Variants in CFAP69 observed in about 807,000 individuals in gnomAD.
CFAP69 encodes cilia and flagella associated protein 69, also known as cilia- and flagella-associated protein 69.
In CFAP69, 92 loss-of-function variants were observed where a neutral mutation model predicts 123.0. The ratio of observed to expected loss-of-function variants is 0.75; its 90% CI spans 0.63 to 0.89. The LOEUF is 0.89. Ranked by LOEUF, CFAP69 falls within the 40% of genes least tolerant of loss-of-function variation. The pLI is 0.00. For synonymous variants in CFAP69, 380 were observed against 364.3 expected (o/e 1.04, Z -0.49); for missense variants, 1,067 against 1,096.9 (o/e 0.97, Z 0.39).
intron 6 of CFAP69, among the ~76,000 whole-genome samples, chr7:90,269,649 C>T (rs1294564166): frequency 1.3e-5 from 2 of 152,038 alleles, no homozygotes; most frequent in Non-Finnish European, 2.9e-5. Context: ...GTGGTCAGGG[C>T]AGATGCAGGA....
At chr7:90,298,500 T>C (rs1792323035) in intron 16 of CFAP69, among the ~76,000 whole-genome samples, 1 of 152,228 alleles carries the variant, frequency 6.6e-6, no homozygotes, top group Non-Finnish European at 1.5e-5. Flanking sequence ...CCGCTCCCTG[T>C]CCGTGATTCT....
chr7:90,306,277 A>G (rs1418076531), intron 19 of CFAP69, among the ~76,000 whole-genome samples: 1 of 152,128 alleles, frequency 6.6e-6, no homozygotes, highest in Non-Finnish European at 1.5e-5. Context: ...GGTCCAGCAC[A>G]CTTCTGCTGC....
intron 15 of CFAP69, among the ~76,000 whole-genome samples, chr7:90,293,484 G>A (rs1293683521): frequency 6.6e-6 from 1 of 152,002 alleles, no homozygotes; most frequent in Non-Finnish European, 1.5e-5. Flanking sequence ...GCCACACACA[G>A]AATTTCTTTT....
At chr7:90,286,520 AG>A in intron 14 of CFAP69, 121 bp downstream of exon 14, 5 of 1,005,944 alleles carry the variant, frequency 5.0e-6, no homozygotes, top group African/African-American at 3.3e-5. Context: ...GTTAATAATT[AG>A]AGCATAATTA....
At chr7:90,289,906 C>T (rs779677585) in intron 15 of CFAP69, among the ~76,000 whole-genome samples, 13 of 152,136 alleles carry the variant, frequency 8.5e-5, no homozygotes, top group Non-Finnish European at 1.9e-4. Flanking sequence ...CTTCTTTGTA[C>T]AAATCAAATG....
chr7:90,280,161 A>G (rs1789255135), intron 12 of CFAP69, among the ~76,000 whole-genome samples: 1 of 152,126 alleles, frequency 6.6e-6, no homozygotes, highest in Non-Finnish European at 1.5e-5. Flanking sequence ...TCTAAAAATT[A>G]TATTTGGGAA....
chr7:90,283,367 G>C (rs1789770399), intron 13 of CFAP69, among the ~76,000 whole-genome samples: 1 of 151,954 alleles, frequency 6.6e-6, no homozygotes, highest in African/African-American at 2.4e-5. Flanking sequence ...TTTTGACCAA[G>C]GCTTTTGGAG....
intron 9 of CFAP69, 144 bp downstream of exon 9, chr7:90,274,254 T>A: frequency 2.1e-6 from 2 of 970,264 alleles, no homozygotes; most frequent in Non-Finnish European, 2.9e-6. Context: ...CCAGTGTGCT[T>A]ATCACTCTGC....
At chr7:90,296,085 C>T (rs1462920180) in intron 15 of CFAP69, among the ~76,000 whole-genome samples, 1 of 152,126 alleles carries the variant, frequency 6.6e-6, no homozygotes, top group African/African-American at 2.4e-5. Flanking sequence ...GGAAATGCAG[C>T]CCAGTAGGTC....
chr7:90,304,916 A>T, intron 19 of CFAP69, 96 bp downstream of exon 19: 1 of 897,780 alleles, frequency 1.1e-6, no homozygotes, highest in Non-Finnish European at 1.7e-6. Context: ...GCAATCATCT[A>T]CATACTGTAT....
intron 8 of CFAP69, chr7:90,272,254 A>G (rs1482836659): frequency 4.4e-6 from 1 of 227,988 alleles, no homozygotes. Context: ...CAGTGAATCT[A>G]TTATTGAGTG....
intron 11 of CFAP69, 40 bp from the exon 12 acceptor site, chr7:90,279,637 G>T (rs1312380862): frequency 7.9e-7 from 1 of 1,271,646 alleles, no homozygotes; most frequent in Non-Finnish European, 1.1e-6. Context: ...AGTATTTTTG[G>T]CTATGTTTCT....
chr7:90,287,409 G>C (rs763963925), intron 14 of CFAP69: 8 of 738,702 alleles, frequency 1.1e-5, no homozygotes, highest in Non-Finnish European at 1.3e-5. Flanking sequence ...AGAGTGGGCT[G>C]TACCATTTTA....
the CFAP69 span, chr7:90,317,525 G>A: frequency 7.1e-6 from 1 of 141,252 alleles, no homozygotes; most frequent in South Asian, 2.3e-4. Context: ...TATATTATCT[G>A]CTACTCATGC....
intron 14 of CFAP69, 87 bp from the exon 15 acceptor site, chr7:90,288,147 A>T: frequency 2.0e-6 from 2 of 1,011,250 alleles, no homozygotes; most frequent in Non-Finnish European, 2.9e-6. Context: ...TCTGGTAAAA[A>T]AGCAATATTA....
intron 15 of CFAP69, among the ~76,000 whole-genome samples, chr7:90,289,425 A>T (rs962913086): frequency 2.6e-5 from 4 of 151,758 alleles, no homozygotes; most frequent in Admixed American, 6.6e-5. Flanking sequence ...TGCCATTTAA[A>T]TAGCCTTTTT....
Position 90,307,010 on chromosome 7 carries a change from T to C in CFAP69, c.2375T>C (p.Ile792Thr), listed in dbSNP as rs1467829849. The C allele has an allele frequency of 1.2e-6, 2 of 1,613,300 alleles. No homozygotes were observed. Among genetic ancestry groups the C allele is most frequent in the South Asian group, 1.1e-5 (1 of 90,980 alleles). ...LEAITTASEN[I>T]GKMVASLQSD... ...GCTATTACAACAGCATCAGAAAATA[T>C]TGGAAAGATGGTTGCTTCTCTGCAA... is the stretch of plus-strand genomic sequence containing the variant. The change falls in exon 20 of 23, where the codon ATT (isoleucine) becomes ACT (threonine). Residue 792 changes from isoleucine (I) to threonine (T), a missense_variant. Transcript: ENST00000389297.
intron 15 of CFAP69, among the ~76,000 whole-genome samples, chr7:90,291,472 T>C (rs1273822157): frequency 6.6e-6 from 1 of 152,158 alleles, no homozygotes; most frequent in Non-Finnish European, 1.5e-5. Context: ...TTTTGCGACC[T>C]CCTATCTCAT....
Position 90,245,378 on chromosome 7 carries a change from T to A in CFAP69, c.-47T>A. ...TTGGGCCCAGCGGCTGCGGGCGCACTGTAGGACAGGAAGATCCCCCCACTC... is the reference window on the plus strand; with the variant it reads ...TTGGGCCCAGCGGCTGCGGGCGCACAGTAGGACAGGAAGATCCCCCCACTC... On this transcript the variant is annotated 5_prime_UTR_variant, in exon 1 of 23. Coordinates refer to ENST00000389297, the MANE Select transcript of CFAP69 (RefSeq NM_001039706.3). 2.0e-6 allele frequency: 3 copies of A among 1,489,084 alleles called. No individual in the cohort carries two copies. Among genetic ancestry groups the A allele is most frequent in the Non-Finnish European group, 2.7e-6 (3 of 1,119,754 alleles). 92.2% of individuals were successfully genotyped at this position (1,489,084 alleles called of 1,614,324 possible). A position where few individuals can be genotyped will look rare whatever the true frequency, so the allele number is the denominator to read the frequency against.
Sources: gnomAD v4.1 joint callset for allele counts (sites outside exome capture counted in the v4.1 genomes callset) on GRCh38, gnomAD v4.1.1 for gene constraint, MANE v1.5 for transcripts, NCBI Gene and HGNC (gene_info 2026-07-23, HGNC 2026-07-21) for gene names.